Variants in GALNT10 observed in about 807,000 individuals in gnomAD.
GALNT10 encodes polypeptide N-acetylgalactosaminyltransferase 10.
GALNT10 carries 41 observed loss-of-function variants against 75.0 expected under a neutral mutation model. That is an observed-to-expected ratio of 0.55 (90% CI 0.43 to 0.71). The LOEUF (loss-of-function observed/expected upper bound fraction) is 0.71. GALNT10 is among the 30% of genes least tolerant of loss of function. The pLI is 0.00. For synonymous variants in GALNT10, 302 were observed against 313.0 expected (o/e 0.96, Z 0.37); for missense variants, 727 against 818.5 (o/e 0.89, Z 1.36).
In GALNT10 at chr5:154,376,260, C is replaced by T; in HGVS notation, c.569-17C>T. The T allele has an allele frequency of 6.4e-7, 1 of 1,552,644 alleles. No homozygotes were observed. Among genetic ancestry groups the T allele is most frequent in the Non-Finnish European group, 8.9e-7 (1 of 1,127,964 alleles). ...TAAGCAACTGTTCTCACTCTTCTGT[C>T]CTCTTCTGTCTCATAGAGCACCTGA... is the stretch of plus-strand genomic sequence containing the variant. On this transcript the variant is annotated splice_polypyrimidine_tract_variant and intron_variant, in intron 4 of 11. Coordinates refer to ENST00000297107, the MANE Select transcript of GALNT10 (RefSeq NM_198321.4). This position sits in a 1 kb window ranked among gnomAD's most constrained non-coding sequence, Gnocchi z 4.1.
At chr5:154,314,522 C>T (rs1754569579) in intron 3 of GALNT10, among the ~76,000 whole-genome samples, 1 of 152,100 alleles carries the variant, frequency 6.6e-6, no homozygotes, top group Admixed American at 6.5e-5. Context: ...TTCATTGCTT[C>T]TGATTGGCCT....
At chr5:154,403,377 C>T (rs1418358136) in intron 7 of GALNT10, among the ~76,000 whole-genome samples, 1 of 152,146 alleles carries the variant, frequency 6.6e-6, no homozygotes, top group Admixed American at 6.5e-5. Flanking sequence ...AACTCAGGAG[C>T]TCTCTGTGAT....
At chr5:154,322,016 A>AG (rs924652063) in intron 3 of GALNT10, among the ~76,000 whole-genome samples, 51 of 152,352 alleles carry the variant, frequency 3.3e-4, no homozygotes, top group African/African-American at 1.2e-3. Context: ...TGTTTTCTAT[A>AG]GCTGCCATAA....
At chr5:154,408,302 T>C (rs1402626944) in intron 8 of GALNT10, among the ~76,000 whole-genome samples, 1 of 152,162 alleles carries the variant, frequency 6.6e-6, no homozygotes, top group Non-Finnish European at 1.5e-5. Context: ...GATAACAGCT[T>C]AAACTGCTAA....
Position 154,397,249 on chromosome 5 carries a change from G to A in GALNT10, c.1057-6855G>A, listed in dbSNP as rs114026755. On this transcript the variant is annotated intron_variant, in intron 7 of 11. Transcript: ENST00000297107. Reference sequence around the variant, plus strand: ...AACATCCAAAACCAGCATGACTGAGGTTGTCCTTTCATGGTGGTGATACTT... The same window carrying A: ...AACATCCAAAACCAGCATGACTGAGATTGTCCTTTCATGGTGGTGATACTT... Among the ~76,000 whole-genome samples the A allele has an allele frequency of 2.0e-3, 294 of 150,706 alleles. 2 individuals carry two copies. The highest frequency in any genetic ancestry group is 6.8e-3 in the African/African-American group (277 of 40,974).
chr5:154,337,891 C>T (rs1754968588), intron 4 of GALNT10: 2 of 1,276,628 alleles, frequency 1.6e-6, no homozygotes, highest in African/African-American at 2.9e-5. Flanking sequence ...TTTGACAGGG[C>T]TTTCCTAACT....
At chr5:154,328,240 A>G (rs7737920) in intron 3 of GALNT10, among the ~76,000 whole-genome samples, 1,569 of 152,278 alleles carry the variant, frequency 0.01, 23 homozygotes, top group African/African-American at 0.029. Flanking sequence ...TAGATGTTTG[A>G]TGATATTAAG....
At chr5:154,207,487 A>G (rs1775129153) in intron 1 of GALNT10, among the ~76,000 whole-genome samples, 1 of 152,162 alleles carries the variant, frequency 6.6e-6, no homozygotes, top group Non-Finnish European at 1.5e-5. Flanking sequence ...GGCTCCACAT[A>G]CTAAACAGGT....
In GALNT10 at chr5:154,214,028, G is replaced by A. The variant is rs148763681; in HGVS notation, c.159+23003G>A. Among the ~76,000 whole-genome samples the A allele has an allele frequency of 4.8e-3, 725 of 152,308 alleles. 11 individuals carry two copies. Among genetic ancestry groups the A allele is most frequent in the African/African-American group, 0.017 (699 of 41,572 alleles). On this transcript the variant is annotated intron_variant, in intron 1 of 11. Coordinates refer to ENST00000297107, the MANE Select transcript of GALNT10 (RefSeq NM_198321.4). ...ATGTTATAGAAACTGTTCAACTCTA[G>A]TGCAAGGTTTTAGGAGTCTTCGTTT...
At chr5:154,318,009 G>A (rs1754619893) in intron 3 of GALNT10, among the ~76,000 whole-genome samples, 1 of 152,220 alleles carries the variant, frequency 6.6e-6, no homozygotes, top group Admixed American at 6.5e-5. Context: ...TTTCCCAGTT[G>A]TCTCAGCAAA....
At chr5:154,319,269 T>C (rs957967280) in intron 3 of GALNT10, among the ~76,000 whole-genome samples, 1 of 152,170 alleles carries the variant, frequency 6.6e-6, no homozygotes, top group Non-Finnish European at 1.5e-5. Flanking sequence ...CAAATGCACA[T>C]GTGCAGAGGA....
intron 3 of GALNT10, among the ~76,000 whole-genome samples, chr5:154,319,698 G>A (rs1241718665): frequency 6.6e-6 from 1 of 152,214 alleles, no homozygotes; most frequent in Non-Finnish European, 1.5e-5. Context: ...AGTGCCCTAG[G>A]CCCCTTTCCC....
intron 4 of GALNT10, among the ~76,000 whole-genome samples, chr5:154,343,662 C>T (rs1408971968): frequency 2.0e-5 from 3 of 152,156 alleles, no homozygotes; most frequent in African/African-American, 4.8e-5. Context: ...GCCTGGTCCT[C>T]GGTCAGAAAT....
chr5:154,340,989 G>A (rs1581982140), intron 4 of GALNT10, among the ~76,000 whole-genome samples: 1 of 151,994 alleles, frequency 6.6e-6, no homozygotes, highest in Non-Finnish European at 1.5e-5. Flanking sequence ...AGTGTTCATG[G>A]GTATTGAAAG....
intron 3 of GALNT10, among the ~76,000 whole-genome samples, chr5:154,310,774 A>G (rs1581967809): frequency 6.6e-6 from 1 of 152,178 alleles, no homozygotes. Context: ...GCCTGGCCAC[A>G]TCACTGGTTT....
chr5:154,259,569 CA>C (rs1204082825), intron 1 of GALNT10, among the ~76,000 whole-genome samples: 5 of 152,082 alleles, frequency 3.3e-5, no homozygotes, highest in African/African-American at 1.2e-4. Context: ...GCAAAGAAAA[CA>C]GGTAGAAGTG....
intron 8 of GALNT10, among the ~76,000 whole-genome samples, chr5:154,405,029 G>T (rs1248344635): frequency 6.6e-6 from 1 of 152,136 alleles, no homozygotes; most frequent in Admixed American, 6.5e-5. Context: ...TGAAGAGGAG[G>T]GAGGGTCCCC....
chr5:154,257,931 A>G (rs1169182380), intron 1 of GALNT10, among the ~76,000 whole-genome samples: 4 of 152,206 alleles, frequency 2.6e-5, no homozygotes, highest in African/African-American at 9.6e-5. Context: ...CTGTTACAAT[A>G]CATAAATTAA....
intron 1 of GALNT10, among the ~76,000 whole-genome samples, chr5:154,193,374 C>G (rs1774890702): frequency 6.6e-6 from 1 of 152,198 alleles, no homozygotes; most frequent in African/African-American, 2.4e-5. Context: ...GGCTTGGCCC[C>G]CAGTCCGTTG....
Sources: gnomAD v4.1 joint callset for allele counts (sites outside exome capture counted in the v4.1 genomes callset) on GRCh38, gnomAD v4.1.1 for gene constraint, Gnocchi (gnomAD v3.1) non-coding constraint, MANE v1.5 for transcripts, NCBI Gene and HGNC (gene_info 2026-07-23, HGNC 2026-07-21) for gene names.